PLXDC1: variants seen among roughly 807,000 people sequenced by gnomAD.
PLXDC1 encodes plexin domain-containing protein 1.
In PLXDC1, 39 loss-of-function variants were observed where a neutral mutation model predicts 61.3. The ratio of observed to expected loss-of-function variants is 0.64; its 90% CI spans 0.49 to 0.83. The LOEUF is 0.83. PLXDC1 is among the 40% of genes least tolerant of loss of function. The probability of loss-of-function intolerance (pLI) is 0.00; values close to 1 mark genes in which losing one functional copy is unlikely to be tolerated. For missense variants in PLXDC1, 596 were observed against 666.5 expected, an observed-to-expected ratio of 0.89 and a Z score of 1.17; for synonymous variants, 212 against 254.5, an observed-to-expected ratio of 0.83 and a Z score of 1.59.
chr17:39,122,094 C>A (rs1428248792), intron 2 of PLXDC1, among the ~76,000 whole-genome samples: 168 of 78,118 alleles, frequency 2.2e-3, no homozygotes, highest in Non-Finnish European at 2.3e-3. Flanking sequence ...AAGACTCTGT[C>A]AAAAAAAAAA....
intron 4 of PLXDC1, 91 bp from the exon 5 acceptor site, chr17:39,108,336 A>T (rs1910670012): frequency 7.2e-7 from 1 of 1,391,496 alleles, no homozygotes; most frequent in Non-Finnish European, 1.0e-6. Context: ...AGGGCAGCGC[A>T]GGCAGAGCTG....
chr17:39,098,032 C>T (rs1398077606), intron 7 of PLXDC1, among the ~76,000 whole-genome samples: 3 of 151,476 alleles, frequency 2.0e-5, no homozygotes, highest in South Asian at 2.1e-4. Context: ...GGTGAAACCC[C>T]GTCTCTGCTA....
chr17:39,128,175 A>ATATGTATATATGTG lies in PLXDC1; in HGVS notation c.255+11478_255+11479insCACATATATACATA, dbSNP rs1567769680. Among the ~76,000 whole-genome samples the ATATGTATATATGTG allele has an allele frequency of 6.4e-3, 388 of 60,434 alleles. 3 individuals carry two copies. Among genetic ancestry groups the ATATGTATATATGTG allele is most frequent in the African/African-American group, 0.02 (360 of 17,916 alleles). 39.6% of individuals were successfully genotyped at this position (60,434 alleles called of 152,430 possible). On this transcript the variant is annotated intron_variant, in intron 2 of 13. Coordinates refer to ENST00000315392, the MANE Select transcript of PLXDC1 (RefSeq NM_020405.5). The stretch of plus-strand genomic sequence containing the variant: ...TGTGTATATATATGTATATATATGT[A>ATATGTATATATGTG]TATATATATGTGTGTATATATATGT...
intron 5 of PLXDC1, 23 bp from the exon 6 acceptor site, chr17:39,107,548 G>A (rs368735898): frequency 3.6e-5 from 55 of 1,524,598 alleles, no homozygotes; most frequent in South Asian, 4.5e-5. Flanking sequence ...ACAGAGACCC[G>A]GCTGGACGGG....
chr17:39,071,009 C>T (rs977177549), intron 12 of PLXDC1, among the ~76,000 whole-genome samples: 4 of 152,102 alleles, frequency 2.6e-5, no homozygotes, highest in African/African-American at 7.2e-5. Flanking sequence ...CTGGCAGGCC[C>T]GTCAGAGAAG....
At chr17:39,129,532 G>A (rs943421577) in intron 2 of PLXDC1, among the ~76,000 whole-genome samples, 2 of 151,038 alleles carry the variant, frequency 1.3e-5, no homozygotes, top group Admixed American at 6.6e-5. Context: ...CAGGAGAATC[G>A]TTTGAACCCG....
At chr17:39,146,798 G>C (rs1246753401) in intron 1 of PLXDC1, among the ~76,000 whole-genome samples, 5 of 151,192 alleles carry the variant, frequency 3.3e-5, no homozygotes, top group Admixed American at 3.3e-4. Context: ...TGAGGCAGCA[G>C]TGAGCTATGA....
intron 2 of PLXDC1, among the ~76,000 whole-genome samples, chr17:39,136,539 G>A (rs528953931): frequency 1.2e-3 from 179 of 151,918 alleles, no homozygotes; most frequent in Non-Finnish European, 2.1e-3. Flanking sequence ...GTGAGCCACC[G>A]TGCCCGGCCC....
chr17:39,132,545 G>C (rs562543529), intron 2 of PLXDC1, among the ~76,000 whole-genome samples: 1 of 152,172 alleles, frequency 6.6e-6, no homozygotes, highest in Non-Finnish European at 1.5e-5. Flanking sequence ...AGGGTCCTCG[G>C]AGCTGCCAGC....
intron 1 of PLXDC1, among the ~76,000 whole-genome samples, chr17:39,148,251 C>T (rs976300371): frequency 5.9e-5 from 9 of 152,090 alleles, no homozygotes; most frequent in African/African-American, 1.7e-4. Flanking sequence ...GTTATGCTGC[C>T]CTCACTATGT....
chr17:39,067,669 C>T lies in PLXDC1; in HGVS notation c.*171G>A, dbSNP rs1428557465. The stretch of plus-strand genomic sequence containing the variant: ...CCATGTGGTTGTTTTTTGGCCCCCT[C>T]TTCAATATTCGGGGTGTGCTGACGA... On this transcript the variant is annotated 3_prime_UTR_variant, in exon 14 of 14. Coordinates refer to ENST00000315392, the MANE Select transcript of PLXDC1 (RefSeq NM_020405.5). 3 of 595,834 alleles carry T rather than the reference C, an allele frequency of 5.0e-6. No individual in the cohort carries two copies. The highest frequency in any genetic ancestry group is 3.7e-5 in the African/African-American group (2 of 54,582). The allele number at this position is 595,834 out of a possible 1,614,324, so 36.9% of individuals were successfully genotyped here.
At chr17:39,099,116 C>A (rs62076656) in intron 7 of PLXDC1, among the ~76,000 whole-genome samples, 1 of 151,780 alleles carries the variant, frequency 6.6e-6, no homozygotes, top group African/African-American at 2.4e-5. Context: ...GACCCAACAC[C>A]TCAGCACACA....
At chr17:39,085,708 C>A (rs1909717312) in intron 8 of PLXDC1, among the ~76,000 whole-genome samples, 1 of 152,154 alleles carries the variant, frequency 6.6e-6, no homozygotes, top group African/African-American at 2.4e-5. Context: ...TGGAGATAAG[C>A]CACTCACCCC....
chr17:39,103,764 C>T (rs910340298), intron 7 of PLXDC1, among the ~76,000 whole-genome samples: 3 of 149,582 alleles, frequency 2.0e-5, no homozygotes, highest in East Asian at 2.0e-4. Flanking sequence ...GAGAATCACT[C>T]GAACCCGGGA....
At chr17:39,141,941 G>T (rs557225291) in intron 1 of PLXDC1, among the ~76,000 whole-genome samples, 3 of 152,034 alleles carry the variant, frequency 2.0e-5, no homozygotes, top group Non-Finnish European at 2.9e-5. Flanking sequence ...ATGCTTGTGG[G>T]CCATTTGTAT....
intron 12 of PLXDC1, 122 bp from the exon 13 acceptor site, chr17:39,070,138 T>C (rs1489224647): frequency 9.2e-6 from 6 of 650,670 alleles, no homozygotes; most frequent in African/African-American, 1.8e-5. Context: ...GGTCCACTTA[T>C]CCAATACAGG....
chr17:39,093,167 A>G (rs1418601590), intron 7 of PLXDC1, among the ~76,000 whole-genome samples: 1 of 152,128 alleles, frequency 6.6e-6, no homozygotes, highest in African/African-American at 2.4e-5. Context: ...TCGTGGGCTC[A>G]AGTGATTCTC....
At chr17:39,090,943 G>A (rs563657546) in intron 7 of PLXDC1, among the ~76,000 whole-genome samples, 1 of 152,312 alleles carries the variant, frequency 6.6e-6, no homozygotes, top group East Asian at 1.9e-4. Context: ...GGGTCCCCCA[G>A]TTCCCCGCTG....
At chr17:39,105,217 C>T (rs1447972042) in intron 7 of PLXDC1, among the ~76,000 whole-genome samples, 1 of 152,148 alleles carries the variant, frequency 6.6e-6, no homozygotes, top group Admixed American at 6.5e-5. Flanking sequence ...CTAGAAGGAG[C>T]GGCAGTGCAT....
Sources: gnomAD v4.1 joint callset for allele counts (sites outside exome capture counted in the v4.1 genomes callset) on GRCh38, gnomAD v4.1.1 for gene constraint, MANE v1.5 for transcripts, NCBI Gene and HGNC (gene_info 2026-07-23, HGNC 2026-07-21) for gene names.